The following STXBP5L variants were observed in gnomAD, a reference collection of about 807,000 sequenced individuals.
The protein encoded by STXBP5L is syntaxin binding protein 5L, also known as syntaxin-binding protein 5-like.
A neutral mutation model predicts 144.5 loss-of-function variants in STXBP5L; 65 were observed. That is an observed-to-expected ratio of 0.45 (90% confidence interval 0.37 to 0.55). The LOEUF (loss-of-function observed/expected upper bound fraction) is 0.55. Ranked by LOEUF, STXBP5L falls within the 20% of genes least tolerant of loss-of-function variation. STXBP5L has a pLI of 0.00. For missense variants in STXBP5L, 1,298 were observed against 1,405.5 expected (o/e 0.92, Z 1.22); for synonymous variants, 505 against 469.6 (o/e 1.08, Z -0.97).
intron 3 of STXBP5L, among the ~76,000 whole-genome samples, chr3:121,005,288 A>G (rs547464967): frequency 2.0e-4 from 30 of 152,202 alleles, no homozygotes; most frequent in Non-Finnish European, 4.1e-4. Flanking sequence ...GAGAGGGTGT[A>G]TGTGTCCAGG....
intron 3 of STXBP5L, among the ~76,000 whole-genome samples, chr3:121,036,765 T>C (rs942105312): frequency 8.2e-6 from 1 of 122,370 alleles, no homozygotes; most frequent in Non-Finnish European, 1.6e-5. Flanking sequence ...ATGACTTACA[T>C]TGATTGATTT....
intron 3 of STXBP5L, among the ~76,000 whole-genome samples, chr3:121,019,592 A>G (rs560555997): frequency 3.6e-4 from 55 of 152,312 alleles, no homozygotes; most frequent in African/African-American, 1.3e-3. Context: ...ATCACATCAC[A>G]GGACTCTTTG....
chr3:121,079,594 T>C (rs565890019), intron 5 of STXBP5L, among the ~76,000 whole-genome samples: 1 of 152,360 alleles, frequency 6.6e-6, no homozygotes, highest in South Asian at 2.1e-4. Flanking sequence ...CCAAAAATAA[T>C]TCAAGAGCGT....
intron 5 of STXBP5L, among the ~76,000 whole-genome samples, chr3:121,111,753 G>A (rs1048930959): frequency 4.6e-5 from 7 of 152,330 alleles, no homozygotes; most frequent in African/African-American, 1.7e-4. Context: ...GGCTTTGGCA[G>A]AGGGGGTGCA....
intron 3 of STXBP5L, among the ~76,000 whole-genome samples, chr3:121,021,036 A>T (rs147215947): frequency 3.3e-5 from 5 of 152,220 alleles, no homozygotes; most frequent in South Asian, 2.1e-4. Flanking sequence ...CACCTTCCAC[A>T]TAAGGACTCA....
chr3:121,282,120 C>T, intron 19 of STXBP5L: 1 of 501,358 alleles, frequency 2.0e-6, no homozygotes. Flanking sequence ...TTAATATCTC[C>T]TTCTAATTTA....
At chr3:121,117,277 G>A (rs1465200954) in intron 6 of STXBP5L, among the ~76,000 whole-genome samples, 1 of 151,762 alleles carries the variant, frequency 6.6e-6, no homozygotes, top group African/African-American at 2.4e-5. Flanking sequence ...ATATAAACCT[G>A]TGTTTTATCG....
chr3:121,398,992 G>A (rs190431970), intron 22 of STXBP5L, among the ~76,000 whole-genome samples: 37 of 152,090 alleles, frequency 2.4e-4, no homozygotes, highest in Admixed American at 1.8e-3. Flanking sequence ...AGTGTCCTCC[G>A]GAAAAGAAAG....
At chr3:121,135,433 C>T (rs1031325792) in intron 7 of STXBP5L, among the ~76,000 whole-genome samples, 1 of 152,068 alleles carries the variant, frequency 6.6e-6, no homozygotes, top group Non-Finnish European at 1.5e-5. Flanking sequence ...ATACAAGTCA[C>T]CATAATGTAG....
chr3:121,074,297 A>G (rs751358213), intron 5 of STXBP5L, among the ~76,000 whole-genome samples: 34 of 152,324 alleles, frequency 2.2e-4, no homozygotes, highest in Admixed American at 1.4e-3. Flanking sequence ...CAAGCATTGT[A>G]TATGGGTTGG....
chr3:121,171,578 A>C (rs911330677), intron 9 of STXBP5L, among the ~76,000 whole-genome samples: 1 of 152,112 alleles, frequency 6.6e-6, no homozygotes, highest in African/African-American at 2.4e-5. Flanking sequence ...GAGCCAAGTC[A>C]TGAGTGAACT....
Position 121,223,163 on chromosome 3 carries a change from T to C in STXBP5L, c.1111+6T>C, listed in dbSNP as rs1194663867. ...TGAAACGCCCTATCCAAATGGTAAG[T>C]AACTAAAATGAAACTATTAATGTTG... On this transcript the variant is annotated splice_donor_region_variant and intron_variant, in intron 11 of 26. Transcript: ENST00000471454. The C allele has an allele frequency of 1.9e-6, 3 of 1,578,552 alleles. No homozygotes were observed. Among genetic ancestry groups the C allele is most frequent in the Non-Finnish European group, 2.6e-6 (3 of 1,169,126 alleles).
intron 2 of STXBP5L, among the ~76,000 whole-genome samples, chr3:120,923,563 T>C (rs1480020089): frequency 1.3e-5 from 2 of 152,158 alleles, no homozygotes; most frequent in Admixed American, 1.3e-4. Flanking sequence ...AAGAAAATTT[T>C]AAATTTCCTT....
At chr3:120,993,658 A>C (rs556790796) in intron 3 of STXBP5L, among the ~76,000 whole-genome samples, 1 of 152,046 alleles carries the variant, frequency 6.6e-6, no homozygotes, top group African/African-American at 2.4e-5. Flanking sequence ...CCATTGGTCT[A>C]CATGTCTGTT....
intron 7 of STXBP5L, among the ~76,000 whole-genome samples, chr3:121,136,584 C>A (rs1257519146): frequency 1.3e-5 from 2 of 152,124 alleles, no homozygotes; most frequent in Admixed American, 6.5e-5. Context: ...ATAACAGATG[C>A]CAGCAAGGTT....
At chr3:121,119,177 A>C (rs887266279) in intron 6 of STXBP5L, among the ~76,000 whole-genome samples, 2 of 151,548 alleles carry the variant, frequency 1.3e-5, no homozygotes, top group Admixed American at 1.3e-4. Flanking sequence ...AATTGGTAGA[A>C]TGAAGATAAA....
At chr3:121,109,815 A>G (rs1212617803) in intron 5 of STXBP5L, among the ~76,000 whole-genome samples, 1 of 152,180 alleles carries the variant, frequency 6.6e-6, no homozygotes. Flanking sequence ...GTGAAATATT[A>G]AAGTTTCCTA....
intron 20 of STXBP5L, among the ~76,000 whole-genome samples, chr3:121,344,392 G>C (rs1277074818): frequency 1.3e-5 from 2 of 152,050 alleles, no homozygotes; most frequent in East Asian, 3.8e-4. Flanking sequence ...AGCCAAAATT[G>C]ACAAATGGGA....
At chr3:120,975,662 A>G (rs370279929) in intron 3 of STXBP5L, among the ~76,000 whole-genome samples, 1 of 152,164 alleles carries the variant, frequency 6.6e-6, no homozygotes, top group African/African-American at 2.4e-5. Context: ...CCCATTCAGT[A>G]CGATATTGGC....
Sources: allele counts gnomAD v4.1 joint callset (sites outside exome capture counted in the v4.1 genomes callset), GRCh38; gene constraint gnomAD v4.1.1; transcripts MANE v1.5; gene names NCBI Gene and HGNC (gene_info 2026-07-23, HGNC 2026-07-21).